The following TTN variants were observed in gnomAD, a reference collection of about 807,000 sequenced individuals.
TTN encodes the protein connectin.
Under a neutral mutation model 3,223.0 loss-of-function variants are expected in TTN, and 1,525 were observed. That is an observed-to-expected ratio of 0.47 (90% CI 0.45 to 0.49). The LOEUF (loss-of-function observed/expected upper bound fraction) is 0.49, where lower values mean the gene tolerates loss of function less well. Ranked by LOEUF, TTN falls within the 20% of genes least tolerant of loss-of-function variation. The pLI is 0.00. For missense variants in TTN, 40,786 were observed against 43,424.0 expected (o/e 0.94, Z 5.40); for synonymous variants, 14,094 against 15,161.0 (o/e 0.93, Z 5.17).
chr2:178,758,654 G>A (rs2088045409), intron 44 of TTN: 4 of 325,468 alleles, frequency 1.2e-5, no homozygotes, highest in South Asian at 7.0e-5. Context: ...TTAGCCAATT[G>A]AGAAAACAAA....
rs876658062 is a variant in TTN, at chr2:178,619,644, GCTT to G, written c.46670_46672del (p.Glu15557del). The stretch of plus-strand genomic sequence containing the variant: ...ACCTGCCAGTTCAAGCTTAGCTCTG[GCTT>G]CTTTGTCTTTGGCAATAAATCTGTA... On this transcript the variant is annotated inframe_deletion, in exon 250 of 363. Coordinates refer to ENST00000589042, the MANE Select transcript of TTN (RefSeq NM_001267550.2). 2.5e-6 allele frequency: 4 copies of G among 1,611,818 alleles called. No individual in the cohort carries two copies. The highest frequency in any genetic ancestry group is 3.4e-6 in the Non-Finnish European group (4 of 1,178,688).
Position 178,580,218 on chromosome 2 carries a change from G to A in TTN, c.67069C>T (p.Pro22357Ser), listed in dbSNP as rs1446351991. 6.8e-6 allele frequency: 11 copies of A among 1,612,472 alleles called. No individual in the cohort carries two copies. Among genetic ancestry groups the A allele is most frequent in the African/African-American group, 1.3e-5 (1 of 74,930 alleles). Residue 22357 changes from proline (P) to serine (S), a missense_variant, in exon 318 of 363, where the codon CCA (proline) becomes TCA (serine). Pro to Ser is a moderately conservative substitution (Grantham distance 74, BLOSUM62 -1). Coordinates refer to ENST00000589042, the MANE Select transcript of TTN (RefSeq NM_001267550.2). ...IVVKVLDTPG[P>S]PVNVTVKEIS... ...TCCTTAACAGTCACATTGACAGGTGGCCCAGGAGTATCTGGATAAATAGTA... is the reference window on the plus strand; with the variant it reads ...TCCTTAACAGTCACATTGACAGGTGACCCAGGAGTATCTGGATAAATAGTA...
Position 178,713,144 on chromosome 2 carries a change from G to C in TTN, c.26990C>G (p.Thr8997Arg), listed in dbSNP as rs1259415133. Residue 8997 changes from threonine to arginine, a missense_variant, in exon 93 of 363, where the codon ACA becomes AGA. By Grantham distance (71) the Thr-to-Arg change is moderately conservative. Coordinates refer to ENST00000589042, the MANE Select transcript of TTN (RefSeq NM_001267550.2). ...ACCAGCCATATTAGTAGCTATACAT[G>C]TGTAGTCACCACTGTCTGATTCTTC... ...MLEESDSGDY[T>R]CIATNMAGSD... The C allele has an allele frequency of 1.2e-6, 2 of 1,613,798 alleles. No homozygotes were observed.
In TTN at chr2:178,536,550, T is replaced by C. The variant is rs1434554684; in HGVS notation, c.100197A>G (p.Pro33399=). 1.3e-6 allele frequency: 2 copies of C among 1,505,830 alleles called. No individual in the cohort carries two copies. Among genetic ancestry groups the C allele is most frequent in the African/African-American group, 2.8e-5 (2 of 71,498 alleles). The allele number at this position is 1,505,830 out of a possible 1,614,324, so 93.3% of individuals were successfully genotyped here. The change falls in exon 357 of 363, where the codon CCA becomes CCG. Residue 33399 remains proline, a synonymous_variant. Transcript: ENST00000589042. Reference sequence around the variant, plus strand: ...AATCTTTTGTGACAGCAGTAATAGTTGGTTTGCCAGGAGCACCTGGCTTTT... The same window carrying C: ...AATCTTTTGTGACAGCAGTAATAGTCGGTTTGCCAGGAGCACCTGGCTTTT... The part of the protein sequence containing the change: ...PFEKPGAPGK[P]TITAVTKDSC...
In TTN at chr2:178,694,935, C is replaced by T. The variant is rs1044978709; in HGVS notation, c.31271-29G>A. 7 of 1,459,744 alleles carry T rather than the reference C, an allele frequency of 4.8e-6. No individual in the cohort carries two copies. In the African/African-American group the frequency reaches 5.7e-5, roughly 12 times the overall value. 90.4% of individuals were successfully genotyped at this position (1,459,744 alleles called of 1,614,324 possible). A position where few individuals can be genotyped will look rare whatever the true frequency, so the allele number is the denominator to read the frequency against. The stretch of plus-strand genomic sequence containing the variant: ...CAAGCATTTTAGAGAAATTGCAGTA[C>T]TTTTAGAATTCCTATTAAAATTCTC... On this transcript the variant is annotated intron_variant, in intron 115 of 362. Transcript: ENST00000589042.
rs1163597313 is a variant in TTN, at chr2:178,634,529, T to G, written c.42252A>C (p.Ile14084=). The change falls in exon 230 of 363, where the codon ATA becomes ATC. Residue 14084 remains isoleucine (I), a synonymous_variant. Coordinates refer to ENST00000589042, the MANE Select transcript of TTN (RefSeq NM_001267550.2). This position sits in a 1 kb window ranked among gnomAD's most constrained non-coding sequence, Gnocchi z 4.6. ...TAATTATATCAGGTCCTTTGGACCA[T>G]ATAACATTTGCCTCTCGGGTGAGGA... ...ECVLTREANV[I]WSKGPDIIKS... is the part of the protein sequence containing the mutation. 1 of 1,613,396 alleles carries G rather than the reference T, an allele frequency of 6.2e-7. No homozygotes were observed. Among genetic ancestry groups the G allele is most frequent in the Non-Finnish European group, 8.5e-7 (1 of 1,179,528 alleles).
intron 135 of TTN, 69 bp from the exon 136 acceptor site, chr2:178,681,807 A>G (rs1236589444): frequency 2.5e-5 from 33 of 1,325,482 alleles, no homozygotes; most frequent in Non-Finnish European, 3.2e-5. Context: ...CTTAAAAGGA[A>G]TCAAATAATT....
At chr2:178,695,816 G>A (rs1331756675) in intron 114 of TTN, 49 bp downstream of exon 114, 10 of 1,338,386 alleles carry the variant, frequency 7.5e-6, no homozygotes. Flanking sequence ...TTAATGAACT[G>A]AGCAAAAATG....
At chr2:178,763,685 C>G (rs2089790220) in intron 43 of TTN, among the ~76,000 whole-genome samples, 2 of 152,198 alleles carry the variant, frequency 1.3e-5, no homozygotes, top group African/African-American at 4.8e-5. Flanking sequence ...AATTCAGCAT[C>G]TTTGACAATG....
Position 178,547,455 on chromosome 2 carries a change from C to T in TTN, c.94171G>A (p.Val31391Ile). The T allele has an allele frequency of 6.2e-7, 1 of 1,611,332 alleles. No homozygotes were observed. Among genetic ancestry groups the T allele is most frequent in the Non-Finnish European group, 8.5e-7 (1 of 1,178,410 alleles). ...GGTGCTGATTCTAGAGGTTTGCTGA[C>T]ACCAAATCTGTTCTCTGAACTGACA... ...FRVSSENRFG[V>I]SKPLESAPII... Residue 31391 changes from valine to isoleucine, a missense_variant, in exon 339 of 363, where the codon GTC becomes ATC. Physicochemically the swap from Val to Ile is conservative, Grantham distance 29 (BLOSUM62 3). Coordinates refer to ENST00000589042, the MANE Select transcript of TTN (RefSeq NM_001267550.2).
chr2:178,766,565 G>T lies in TTN; in HGVS notation c.9519C>A (p.Asp3173Glu), dbSNP rs151129843. Residue 3173 changes from aspartate (D) to glutamate (E), a missense_variant, in exon 41 of 363, where the codon GAC becomes GAA. By Grantham distance (45) the Asp-to-Glu change is conservative. Coordinates refer to ENST00000589042, the MANE Select transcript of TTN (RefSeq NM_001267550.2). Reference protein sequence around the residue: ...RAVVEFEVNEDDVDAHWYKDG... With the variant: ...RAVVEFEVNEEDVDAHWYKDG... Reference sequence around the variant, plus strand: ...CTTTATACCAGTGGGCATCAACATCGTCTTCATTGACCTCAAATTCAACAA... The same window carrying T: ...CTTTATACCAGTGGGCATCAACATCTTCTTCATTGACCTCAAATTCAACAA... 5.0e-6 allele frequency: 8 copies of T among 1,613,940 alleles called. No homozygotes were observed. The highest frequency in any genetic ancestry group is 1.3e-5 in the African/African-American group (1 of 75,010).
Position 178,790,817 on chromosome 2 carries a change from G to A in TTN, c.1691C>T (p.Ala564Val), listed in dbSNP as rs727505068. The part of the protein sequence containing the change: ...AIRQETEITA[A>V]SMVVVATAKS... ...TGCAGTGGCAACTACCACCATGGAT[G>A]CAGCAGTTATCTCAGTTTCCTGTCT... Residue 564 changes from alanine to valine, a missense_variant, in exon 11 of 363, where the codon GCA becomes GTA. Transcript: ENST00000589042. 1 of 1,614,122 alleles carries A rather than the reference G, an allele frequency of 6.2e-7. No individual in the cohort carries two copies.
chr2:178,588,006 C>T lies in TTN; in HGVS notation c.63401G>A (p.Ser21134Asn). The change falls in exon 305 of 363, where the codon AGC (serine) becomes AAC (asparagine). Residue 21134 changes from serine (S) to asparagine (N), a missense_variant. By Grantham distance (46) the Ser-to-Asn change is conservative (BLOSUM62 1). Coordinates refer to ENST00000589042, the MANE Select transcript of TTN (RefSeq NM_001267550.2). ...CTCATATTCCTGGTTTTCATCCAAG[C>T]TGGTAACAGTGAATTCCTTGCGTAC... ...QLVRKEFTVT[S>N]LDENQEYEFR... 1 of 1,612,858 alleles carries T rather than the reference C, an allele frequency of 6.2e-7. No individual in the cohort carries two copies. The highest frequency in any genetic ancestry group is 8.5e-7 in the Non-Finnish European group (1 of 1,179,340).
rs375612373 is a variant in TTN at position 178,541,547 on chromosome 2, A to T, written c.97530T>A (p.Asp32510Glu). Residue 32510 changes from aspartate to glutamate, a missense_variant, in exon 350 of 363, where the codon GAT becomes GAA. Transcript: ENST00000589042. Reference protein sequence around the residue: ...PGPPETLQIFDVSRDGMTLTW... With the variant: ...PGPPETLQIFEVSRDGMTLTW... ...TAAGTGTCATGCCATCACGGGAAACATCAAATATCTGTAATGTTTCTGGGG... is the reference window on the plus strand; with the variant it reads ...TAAGTGTCATGCCATCACGGGAAACTTCAAATATCTGTAATGTTTCTGGGG... 2 of 1,612,362 alleles carry T rather than the reference A, an allele frequency of 1.2e-6. No homozygotes were observed. The highest frequency in any genetic ancestry group is 2.7e-5 in the African/African-American group (2 of 75,000).
chr2:178,684,059 C>G lies in TTN; in HGVS notation c.32746G>C (p.Val10916Leu). 1 of 1,611,608 alleles carries G rather than the reference C, an allele frequency of 6.2e-7. No homozygotes were observed. Residue 10916 changes from valine (V) to leucine (L), a missense_variant, in exon 133 of 363, where the codon GTC becomes CTC. By Grantham distance (32) the Val-to-Leu change is conservative. Coordinates refer to ENST00000589042, the MANE Select transcript of TTN (RefSeq NM_001267550.2). Reference sequence around the variant, plus strand: ...AGTTTCAGAACTTTTTCTTCTGGGACAGCTCTCTTCGGTTCCTCTGGCACT... The same window carrying G: ...AGTTTCAGAACTTTTTCTTCTGGGAGAGCTCTCTTCGGTTCCTCTGGCACT... The part of the protein sequence containing the change: ...ARVPEEPKRA[V>L]PEEKVLKLKP...
At position 178,704,939 on chromosome 2, in the gene TTN, T is replaced by C. The variant is rs1211355484; in HGVS notation, c.29632A>G (p.Arg9878Gly). The C allele has an allele frequency of 5.6e-6, 9 of 1,612,984 alleles. No individual in the cohort carries two copies. Among genetic ancestry groups the C allele is most frequent in the Non-Finnish European group, 7.6e-6 (9 of 1,179,768 alleles). The change falls in exon 104 of 363, where the codon AGG becomes GGG. Residue 9878 changes from arginine (R) to glycine (G), a missense_variant. Coordinates refer to ENST00000589042, the MANE Select transcript of TTN (RefSeq NM_001267550.2). ...LEIEEIERSE[R>G]DEKEFEELVS... The stretch of plus-strand genomic sequence containing the variant: ...AGTTCCTCAAATTCCTTTTCGTCCC[T>C]CTCTGACCTCTCTATTTCCTCAATT...
intron 47 of TTN, chr2:178,749,603 T>A (rs780742863): frequency 1.9e-6 from 3 of 1,612,116 alleles, no homozygotes; most frequent in South Asian, 2.2e-5. Flanking sequence ...ATATTTTCCA[T>A]AAATTTCACC....
rs1034071730 is a variant in TTN, at chr2:178,766,506, C to T, written c.9578G>A (p.Arg3193Gln). The T allele has an allele frequency of 2.0e-5, 32 of 1,613,938 alleles. No homozygotes were observed. The highest frequency in any genetic ancestry group is 2.4e-5 in the Non-Finnish European group (28 of 1,179,996). The change falls in exon 41 of 363, where the codon CGA (arginine) becomes CAA (glutamine). Residue 3193 changes from arginine (R) to glutamine (Q), a missense_variant. Coordinates refer to ENST00000589042, the MANE Select transcript of TTN (RefSeq NM_001267550.2). Reference sequence around the variant, plus strand: ...TCTTCTTTCCACTACATATTTGTGTCGTTCTTGAACTTGGAAATTGATTTC... The same window carrying T: ...TCTTCTTTCCACTACATATTTGTGTTGTTCTTGAACTTGGAAATTGATTTC... ...GIEINFQVQE[R>Q]HKYVVERRIH...
chr2:178,529,794 A>G (rs1688244375), intron 359 of TTN, among the ~76,000 whole-genome samples, 166 bp downstream of exon 359: 2 of 152,224 alleles, frequency 1.3e-5, no homozygotes, highest in Admixed American at 1.3e-4. Flanking sequence ...GCATATGCTA[A>G]CTTCAAATGT....
Sources: allele counts gnomAD v4.1 joint callset (sites outside exome capture counted in the v4.1 genomes callset), GRCh38; gene constraint gnomAD v4.1.1; non-coding constraint Gnocchi (gnomAD v3.1); transcripts MANE v1.5; gene names NCBI Gene and HGNC (gene_info 2026-07-23, HGNC 2026-07-21).